The following XPO4 variants were observed in gnomAD, a reference collection of about 807,000 sequenced individuals.
XPO4 encodes exportin 4.
A neutral mutation model predicts 143.0 loss-of-function variants in XPO4; 39 were observed. The observed-to-expected ratio is 0.27, with a 90% CI of 0.21 to 0.36. The LOEUF (loss-of-function observed/expected upper bound fraction) is 0.36, where lower values mean the gene tolerates loss of function less well. XPO4 is among the 10% of genes least tolerant of loss of function. The probability of loss-of-function intolerance (pLI) is 1.00; values close to 1 mark genes in which losing one functional copy is unlikely to be tolerated. For synonymous variants in XPO4, 439 were observed against 474.0 expected, an observed-to-expected ratio of 0.93 and a Z score of 0.96; for missense variants, 907 against 1,348.0, an observed-to-expected ratio of 0.67 and a Z score of 5.12.
At chr13:20,787,656 A>G in intron 20 of XPO4, 58 bp from the exon 21 acceptor site, 2 of 1,435,900 alleles carry the variant, frequency 1.4e-6, no homozygotes, top group Middle Eastern at 1.8e-4. Context: ...ATAAAAGATA[A>G]AAAAATTATA....
chr13:20,838,665 A>G (rs1204787405), intron 6 of XPO4, among the ~76,000 whole-genome samples: 2 of 151,426 alleles, frequency 1.3e-5, no homozygotes, highest in African/African-American at 4.9e-5. Context: ...TCTGTTGCCC[A>G]GGCTGGAGTG....
At chr13:20,830,644 TGAAAC>T (rs1366366769) in intron 6 of XPO4, among the ~76,000 whole-genome samples, 1 of 152,034 alleles carries the variant, frequency 6.6e-6, no homozygotes, top group African/African-American at 2.4e-5. Context: ...ATAAAAAACA[TGAAAC>T]AAAAAGAACA....
intron 1 of XPO4, chr13:20,869,670 A>T: frequency 1.3e-6 from 1 of 741,810 alleles, no homozygotes; most frequent in Non-Finnish European, 1.6e-6. Flanking sequence ...AAAAAAAGTT[A>T]TTCACCCAGG....
intron 2 of XPO4, among the ~76,000 whole-genome samples, chr13:20,863,668 T>C (rs755653065): frequency 6.6e-6 from 1 of 152,152 alleles, no homozygotes; most frequent in African/African-American, 2.4e-5. Flanking sequence ...GGAGAAACAG[T>C]TGAAATGAAG....
At chr13:20,785,462 C>T (rs982279246) in intron 22 of XPO4, among the ~76,000 whole-genome samples, 9 of 151,992 alleles carry the variant, frequency 5.9e-5, no homozygotes, top group African/African-American at 1.9e-4. Context: ...TGCTTAAGTT[C>T]AGGAGTTCGA....
chr13:20,859,402 C>G (rs2060175530), intron 3 of XPO4, among the ~76,000 whole-genome samples: 1 of 152,106 alleles, frequency 6.6e-6, no homozygotes, highest in Non-Finnish European at 1.5e-5. Context: ...AAATGGAGAC[C>G]ATCCTGGCTA....
chr13:20,893,533 T>C (rs907590413), intron 1 of XPO4, among the ~76,000 whole-genome samples: 11 of 151,468 alleles, frequency 7.3e-5, no homozygotes, highest in African/African-American at 2.7e-4. Flanking sequence ...AGGTCAGGAG[T>C]TCGAGACCAG....
chr13:20,874,981 G>A (rs188242991), intron 1 of XPO4, among the ~76,000 whole-genome samples: 173 of 146,298 alleles, frequency 1.2e-3, no homozygotes, highest in African/African-American at 4.0e-3. Flanking sequence ...GGGACAAAGT[G>A]AGACTCCGTC....
intron 3 of XPO4, among the ~76,000 whole-genome samples, chr13:20,859,433 T>C (rs2060175956): frequency 6.6e-6 from 1 of 152,114 alleles, no homozygotes; most frequent in African/African-American, 2.4e-5. Context: ...ACCCCGTCTC[T>C]ACTAAAAATA....
At chr13:20,877,674 T>G (rs2060366297) in intron 1 of XPO4, among the ~76,000 whole-genome samples, 1 of 152,228 alleles carries the variant, frequency 6.6e-6, no homozygotes, top group East Asian at 1.9e-4. Flanking sequence ...ACTAAACCTA[T>G]CTTTTTAAAA....
chr13:20,797,952 T>C (rs987915871), intron 16 of XPO4, among the ~76,000 whole-genome samples: 5 of 152,112 alleles, frequency 3.3e-5, no homozygotes, highest in African/African-American at 1.2e-4. Flanking sequence ...GAGACCAGCC[T>C]GGCCAACATG....
Position 20,809,128 on chromosome 13 carries a change from A to C in XPO4, c.1448T>G (p.Met483Arg), listed in dbSNP as rs759701248. The change falls in exon 11 of 23, where the codon ATG becomes AGG. Residue 483 changes from methionine (M) to arginine (R), a missense_variant. By Grantham distance (91) the Met-to-Arg change is moderately conservative. Coordinates refer to ENST00000255305, the MANE Select transcript of XPO4 (RefSeq NM_022459.5). ...GTGTTCTGCAGCAATTCTTCCTAGC[A>C]TTCCTACACTGGCCAGTTGATCAGA... ...QFSDQLASVG[M>R]LGRIAAEHCI... The C allele has an allele frequency of 1.2e-6, 2 of 1,614,128 alleles. No individual in the cohort carries two copies. The highest frequency in any genetic ancestry group is 1.7e-5 in the Admixed American group (1 of 60,022).
intron 1 of XPO4, among the ~76,000 whole-genome samples, chr13:20,878,211 T>A (rs1182176812): frequency 6.6e-6 from 1 of 152,152 alleles, no homozygotes; most frequent in Non-Finnish European, 1.5e-5. Flanking sequence ...GTTTGGGGTA[T>A]CATTATAAAC....
At position 20,782,220 on chromosome 13, in the gene XPO4, AC is replaced by A. The variant is rs1329128433; in HGVS notation, c.*1501del. On this transcript the variant is annotated 3_prime_UTR_variant, in exon 23 of 23. Coordinates refer to ENST00000255305, the MANE Select transcript of XPO4 (RefSeq NM_022459.5). ...ATGCTATATGCAATCAGGTAGAAAA[AC>A]CGTATTTGCAGAATGGTTTAATAGA... 2 of 152,206 alleles carry A rather than the reference AC, an allele frequency of 1.3e-5. No homozygotes were observed. The highest frequency in any genetic ancestry group is 2.9e-5 in the Non-Finnish European group (2 of 68,050). 9.4% of individuals were successfully genotyped at this position (152,206 alleles called of 1,614,324 possible). A position where few individuals can be genotyped will look rare whatever the true frequency, so the allele number is the denominator to read the frequency against.
chr13:20,848,684 A>G, intron 4 of XPO4: 1 of 985,420 alleles, frequency 1.0e-6, no homozygotes, highest in Non-Finnish European at 1.2e-6. Context: ...GCAATATAGT[A>G]AATGTTCAGT....
At chr13:20,852,452 T>C (rs1339938821) in intron 4 of XPO4, 1 of 985,294 alleles carries the variant, frequency 1.0e-6, no homozygotes, top group Non-Finnish European at 1.2e-6. Flanking sequence ...CAACATTGGA[T>C]AATGCACATG....
At chr13:20,874,028 CAA>C (rs1176924171) in intron 1 of XPO4, among the ~76,000 whole-genome samples, 1 of 152,126 alleles carries the variant, frequency 6.6e-6, no homozygotes, top group Non-Finnish European at 1.5e-5. Context: ...CCCAAGATGA[CAA>C]AGTTAGTAAG....
chr13:20,885,553 A>C (rs2060454174), intron 1 of XPO4, among the ~76,000 whole-genome samples: 1 of 151,874 alleles, frequency 6.6e-6, no homozygotes, highest in Non-Finnish European at 1.5e-5. Context: ...AAAAACTAAG[A>C]TGGACAGACT....
chr13:20,883,284 A>AC lies in XPO4; in HGVS notation c.70-14584_70-14583insG, dbSNP rs1433204249. Among the ~76,000 whole-genome samples the AC allele has an allele frequency of 4.6e-5, 7 of 152,398 alleles. No homozygotes were observed. In the East Asian group the frequency reaches 1.2e-3, roughly 25 times the overall value. ...ATGGGTGAGGAGAAAGAAAGGAAAG[A>AC]TGTAGACTCAAAGCTAAAGAAAAGA... On this transcript the variant is annotated intron_variant, in intron 1 of 22. Coordinates refer to ENST00000255305, the MANE Select transcript of XPO4 (RefSeq NM_022459.5).
Sources: gnomAD v4.1 joint callset for allele counts (sites outside exome capture counted in the v4.1 genomes callset) on GRCh38, gnomAD v4.1.1 for gene constraint, MANE v1.5 for transcripts, NCBI Gene and HGNC (gene_info 2026-07-23, HGNC 2026-07-21) for gene names.